RABGAP1L: variants seen among roughly 807,000 people sequenced by gnomAD.
RABGAP1L encodes the protein rab GTPase-activating protein 1-like.
A neutral mutation model predicts 137.7 loss-of-function variants in RABGAP1L; 63 were observed. That is an observed-to-expected ratio of 0.46 (90% CI 0.37 to 0.56). RABGAP1L has a LOEUF of 0.56. Among genes scored for constraint, RABGAP1L ranks in the 20% least tolerant of loss-of-function variants. The pLI is 0.00. For synonymous variants in RABGAP1L, 431 were observed against 433.7 expected (o/e 0.99, Z 0.08); for missense variants, 1,095 against 1,244.0 (o/e 0.88, Z 1.80).
chr1:174,222,657 AAGATATATTGAAACAGG>A (rs1345124963), intron 3 of RABGAP1L, among the ~76,000 whole-genome samples: 1 of 131,282 alleles, frequency 7.6e-6, no homozygotes, highest in Non-Finnish European at 1.7e-5. Context: ...CGTTACCATC[AAGATATATTGAAACAGG>A]AGCAGTTAGG....
At chr1:174,527,863 C>T (rs1047332883) in intron 13 of RABGAP1L, among the ~76,000 whole-genome samples, 9 of 149,612 alleles carry the variant, frequency 6.0e-5, no homozygotes, top group Admixed American at 6.6e-5. Flanking sequence ...TCCTCTTATC[C>T]TCCTCCTGGA....
rs200498731 is a variant in RABGAP1L, at chr1:174,780,106, A to AT, written c.2211+27753dup. ...AATAAATAAATAAATAAATAAATAAATAAATAAATAAATTAAATAAGCCCT... is the reference window on the plus strand; with the variant it reads ...AATAAATAAATAAATAAATAAATAAATTAAATAAATAAATTAAATAAGCCCT... On this transcript the variant is annotated intron_variant, in intron 18 of 25. Coordinates refer to ENST00000681986, the MANE Select transcript of RABGAP1L (RefSeq NM_001366446.1). Among the ~76,000 whole-genome samples, 19 of 94,174 alleles carry AT rather than the reference A, an allele frequency of 2.0e-4. 1 individual carries two copies. Among genetic ancestry groups the AT allele is most frequent in the African/African-American group, 4.6e-4 (17 of 36,708 alleles). 61.8% of individuals were successfully genotyped at this position (94,174 alleles called of 152,430 possible).
At chr1:174,726,240 G>A (rs1352372749) in intron 17 of RABGAP1L, among the ~76,000 whole-genome samples, 1 of 151,812 alleles carries the variant, frequency 6.6e-6, no homozygotes, top group East Asian at 1.9e-4. Context: ...TTTTCATATT[G>A]TGACTTTTGG....
chr1:174,178,009 T>A (rs1571389760), intron 1 of RABGAP1L, among the ~76,000 whole-genome samples: 1 of 152,234 alleles, frequency 6.6e-6, no homozygotes, highest in South Asian at 2.1e-4. Flanking sequence ...TTTTTCTAAT[T>A]CTGCAAAGAA....
chr1:174,425,007 G>A (rs1022298091), intron 13 of RABGAP1L, among the ~76,000 whole-genome samples: 2 of 152,004 alleles, frequency 1.3e-5, no homozygotes, highest in Non-Finnish European at 2.9e-5. Flanking sequence ...ATTTTATTTT[G>A]TTGCTGGTTT....
intron 18 of RABGAP1L, among the ~76,000 whole-genome samples, chr1:174,811,335 A>C (rs2148856708): frequency 6.6e-6 from 1 of 152,262 alleles, no homozygotes; most frequent in South Asian, 2.1e-4. Context: ...TATTCTTTTC[A>C]CTTGAACTGC....
chr1:174,614,586 G>T (rs1252508264), intron 13 of RABGAP1L, among the ~76,000 whole-genome samples: 1 of 152,088 alleles, frequency 6.6e-6, no homozygotes, highest in Non-Finnish European at 1.5e-5. Context: ...GAGTATCTTT[G>T]TGGCATTCTC....
At chr1:174,524,741 C>T (rs1663725154) in intron 13 of RABGAP1L, among the ~76,000 whole-genome samples, 1 of 139,146 alleles carries the variant, frequency 7.2e-6, no homozygotes, top group Non-Finnish European at 1.5e-5. Context: ...GAAGTAATTT[C>T]ACTATGTTGT....
intron 20 of RABGAP1L, 90 bp from the exon 21 acceptor site, chr1:174,969,187 T>A (rs1007130037): frequency 3.0e-6 from 3 of 988,482 alleles, no homozygotes; most frequent in African/African-American, 3.2e-5. Context: ...CTTTGAAAGT[T>A]CACTTTGTTG....
intron 13 of RABGAP1L, among the ~76,000 whole-genome samples, chr1:174,601,548 T>C (rs1043752285): frequency 2.0e-5 from 3 of 151,982 alleles, no homozygotes; most frequent in African/African-American, 7.3e-5. Context: ...CTAATGTAAA[T>C]GACGAGTTAA....
At chr1:174,862,156 T>C (rs1358859050) in intron 19 of RABGAP1L, among the ~76,000 whole-genome samples, 1 of 152,204 alleles carries the variant, frequency 6.6e-6, no homozygotes, top group Admixed American at 6.5e-5. Context: ...TTCTCTTGCA[T>C]GTGGAGATCC....
At chr1:174,888,875 A>G (rs1655627550) in intron 19 of RABGAP1L, among the ~76,000 whole-genome samples, 1 of 152,196 alleles carries the variant, frequency 6.6e-6, no homozygotes. Flanking sequence ...TACATATTTA[A>G]TGAATATATT....
chr1:174,504,668 C>G (rs1021265126), intron 13 of RABGAP1L, among the ~76,000 whole-genome samples: 1 of 152,066 alleles, frequency 6.6e-6, no homozygotes, highest in African/African-American at 2.4e-5. Flanking sequence ...AACTGGATAT[C>G]CATGTGCAGA....
intron 7 of RABGAP1L, among the ~76,000 whole-genome samples, chr1:174,261,821 A>G (rs1406178795): frequency 6.6e-6 from 1 of 152,188 alleles, no homozygotes; most frequent in East Asian, 1.9e-4. Flanking sequence ...TCTGATTTGG[A>G]TGTTTTATTC....
chr1:174,835,716 A>G (rs1235104156), intron 19 of RABGAP1L, among the ~76,000 whole-genome samples: 2 of 152,240 alleles, frequency 1.3e-5, no homozygotes, highest in Admixed American at 6.5e-5. Flanking sequence ...GATTGTGATG[A>G]GCAAACTAAA....
chr1:174,784,488 G>A (rs571072358), intron 18 of RABGAP1L, among the ~76,000 whole-genome samples: 80 of 152,136 alleles, frequency 5.3e-4, no homozygotes, highest in African/African-American at 1.9e-3. Context: ...GTGGGAGGTG[G>A]GAGAGGTTTA....
At chr1:174,570,082 AT>A (rs2148046651) in intron 13 of RABGAP1L, among the ~76,000 whole-genome samples, 2 of 152,322 alleles carry the variant, frequency 1.3e-5, no homozygotes, top group South Asian at 4.1e-4. Flanking sequence ...TTATTCTATG[AT>A]TTTTATTTTG....
chr1:174,723,935 TGA>T (rs1681786935), intron 17 of RABGAP1L, among the ~76,000 whole-genome samples: 1 of 152,228 alleles, frequency 6.6e-6, no homozygotes. Context: ...AAAGTAATTC[TGA>T]GAGAGTCAAA....
intron 11 of RABGAP1L, among the ~76,000 whole-genome samples, chr1:174,319,581 G>A (rs968440093): frequency 2.6e-5 from 4 of 152,066 alleles, no homozygotes; most frequent in African/African-American, 9.7e-5. Flanking sequence ...TCTGTACAAT[G>A]CTCAATAGGA....
Sources: allele counts gnomAD v4.1 joint callset (sites outside exome capture counted in the v4.1 genomes callset), GRCh38; gene constraint gnomAD v4.1.1; transcripts MANE v1.5; gene names NCBI Gene and HGNC (gene_info 2026-07-23, HGNC 2026-07-21).